IFIT3: variants seen among roughly 807,000 people sequenced by gnomAD.
The protein encoded by IFIT3 is interferon-induced protein with tetratricopeptide repeats 3.
In IFIT3, 2 loss-of-function variants were observed where a neutral mutation model predicts 2.4. The observed-to-expected ratio is 0.82, with a 90% CI of 0.34 to 2.60. The LOEUF (loss-of-function observed/expected upper bound fraction) is 2.60, where lower values mean the gene tolerates loss of function less well. IFIT3 is among the 30% of genes most tolerant of loss of function. IFIT3 has a pLI of 0.11. For missense variants in IFIT3, 481 were observed against 562.4 expected (o/e 0.86, Z 1.46); for synonymous variants, 203 against 212.1 (o/e 0.96, Z 0.37).
In IFIT3 at chr10:89,339,822, C is replaced by CA; in HGVS notation, c.1173dup (p.Ser392IlefsTer3). ...ATGGTTTAGAGGGTTTGTCCATAAG[C>CA]AAAAAATCAACTGACAAGGAAGAGA... On this transcript the variant is annotated frameshift_variant, in exon 2 of 2. Coordinates refer to ENST00000371818, the MANE Select transcript of IFIT3 (RefSeq NM_001549.6). LOFTEE classifies it low-confidence loss of function (END_TRUNC). 6.2e-7 allele frequency: 1 copy of CA among 1,614,074 alleles called. No homozygotes were observed. The highest frequency in any genetic ancestry group is 8.5e-7 in the Non-Finnish European group (1 of 1,180,006).
chr10:89,328,672 T>C (rs1200730356), intron 1 of IFIT3, among the ~76,000 whole-genome samples: 2 of 152,214 alleles, frequency 1.3e-5, no homozygotes, highest in African/African-American at 2.4e-5. Context: ...GGCATTTTTG[T>C]CATTTCTTAT....
At chr10:89,329,880 A>G (rs1167322068) in intron 1 of IFIT3, among the ~76,000 whole-genome samples, 1 of 151,690 alleles carries the variant, frequency 6.6e-6, no homozygotes, top group Non-Finnish European at 1.5e-5. Flanking sequence ...CAGGGAAGGG[A>G]GATAGGGGTG....
intron 1 of IFIT3, among the ~76,000 whole-genome samples, chr10:89,330,161 G>C (rs1351920450): frequency 2.6e-5 from 4 of 152,212 alleles, no homozygotes; most frequent in Non-Finnish European, 5.9e-5. Context: ...GGCTTAGCTT[G>C]GGCTCAGAGG....
chr10:89,334,478 C>CTTTTTTTTTTTTTTT lies in IFIT3; in HGVS notation c.6-4162_6-4148dup, dbSNP rs578154457. Among the ~76,000 whole-genome samples, 85 of 25,346 alleles carry CTTTTTTTTTTTTTTT rather than the reference C, an allele frequency of 3.4e-3. 6 individuals are homozygous for CTTTTTTTTTTTTTTT. The highest frequency in any genetic ancestry group is 4.8e-3 in the Non-Finnish European group (69 of 14,424). 16.6% of individuals were successfully genotyped at this position (25,346 alleles called of 152,430 possible). A position where few individuals can be genotyped will look rare whatever the true frequency, so the allele number is the denominator to read the frequency against. On this transcript the variant is annotated intron_variant, in intron 1 of 1. Transcript: ENST00000371818. Reference sequence around the variant, plus strand: ...TGTTTTTTCTTCTTTTTCTTTTATTCTTTTTTTTTTTTTTTTTTTTTTTTT... The same window carrying CTTTTTTTTTTTTTTT: ...TGTTTTTTCTTCTTTTTCTTTTATTCTTTTTTTTTTTTTTTTTTTTTTTTTTTTTTTTTTTTTTTT...
At chr10:89,334,681 C>T (rs1250623199) in intron 1 of IFIT3, among the ~76,000 whole-genome samples, 5 of 150,278 alleles carry the variant, frequency 3.3e-5, no homozygotes, top group African/African-American at 2.4e-5. Flanking sequence ...TTAGTACAGG[C>T]GGGGTTTCAT....
At chr10:89,336,944 C>T (rs1843751669) in intron 1 of IFIT3, among the ~76,000 whole-genome samples, 1 of 152,246 alleles carries the variant, frequency 6.6e-6, no homozygotes, top group African/African-American at 2.4e-5. Context: ...ACTTAGAGAA[C>T]TCTTGCAATT....
In IFIT3 at chr10:89,339,930, T is replaced by C; in HGVS notation, c.1275T>C (p.His425=). 1 of 1,614,190 alleles carries C rather than the reference T, an allele frequency of 6.2e-7. No homozygotes were observed. Among genetic ancestry groups the C allele is most frequent in the South Asian group, 1.1e-5 (1 of 91,080 alleles). The change falls in exon 2 of 2, where the codon CAT becomes CAC. Residue 425 remains histidine, a synonymous_variant. Coordinates refer to ENST00000371818, the MANE Select transcript of IFIT3 (RefSeq NM_001549.6). ...PNYWYLQGLI[H]KQNGDLLQAA... ...ATTGGTATCTTCAAGGATTAATTCA[T>C]AAGCAGAATGGAGATCTGCTGCAAG... is the stretch of plus-strand genomic sequence containing the variant.
At chr10:89,336,521 A>C (rs1843742929) in intron 1 of IFIT3, among the ~76,000 whole-genome samples, 2 of 152,194 alleles carry the variant, frequency 1.3e-5, no homozygotes, top group Admixed American at 6.5e-5. Context: ...AGATCAGTAC[A>C]CTTGCAGTAG....
intron 1 of IFIT3, chr10:89,338,387 G>A: frequency 2.8e-6 from 1 of 358,344 alleles, no homozygotes; most frequent in South Asian, 4.7e-5. Flanking sequence ...GTCAGAGGGA[G>A]AATTCTCCCT....
intron 1 of IFIT3, among the ~76,000 whole-genome samples, chr10:89,331,684 C>T (rs1843652582): frequency 6.6e-6 from 1 of 151,640 alleles, no homozygotes; most frequent in African/African-American, 2.4e-5. Context: ...CATAGTGAGA[C>T]CCCGTCTGTA....
At chr10:89,334,716 C>A (rs1843708052) in intron 1 of IFIT3, among the ~76,000 whole-genome samples, 1 of 151,422 alleles carries the variant, frequency 6.6e-6, no homozygotes, top group Non-Finnish European at 1.5e-5. Flanking sequence ...TAGTCTCGAA[C>A]TCTTGACCTC....
intron 1 of IFIT3, chr10:89,332,536 C>A: frequency 1.9e-6 from 3 of 1,612,854 alleles, no homozygotes; most frequent in Admixed American, 3.3e-5. Context: ...TGGGTGGAAA[C>A]CTCTTCAGCA....
chr10:89,329,838 G>A (rs1032968924), intron 1 of IFIT3, among the ~76,000 whole-genome samples: 3 of 152,180 alleles, frequency 2.0e-5, no homozygotes, highest in Non-Finnish European at 4.4e-5. Flanking sequence ...TATTTCACCT[G>A]GGTGCAGGTG....
chr10:89,331,041 C>T (rs1296624117), intron 1 of IFIT3, among the ~76,000 whole-genome samples: 2 of 152,150 alleles, frequency 1.3e-5, no homozygotes, highest in African/African-American at 4.8e-5. Context: ...GGGCAGCAGT[C>T]CCAGGAGTAG....
chr10:89,333,090 T>C (rs1469969966), intron 1 of IFIT3, among the ~76,000 whole-genome samples: 1 of 152,244 alleles, frequency 6.6e-6, no homozygotes, highest in Non-Finnish European at 1.5e-5. Context: ...AATTCCAATT[T>C]ATGTTGAGGT....
Position 89,340,362 on chromosome 10 carries a change from T to A in IFIT3, c.*234T>A. ...TCACGAGGTCTGGAGTTTGAGACCATCCTGGCTAACACAGTGAAATCCCGT... is the reference window on the plus strand; with the variant it reads ...TCACGAGGTCTGGAGTTTGAGACCAACCTGGCTAACACAGTGAAATCCCGT... On this transcript the variant is annotated 3_prime_UTR_variant, in exon 2 of 2. Transcript: ENST00000371818. The A allele has an allele frequency of 2.7e-6, 1 of 368,414 alleles. No individual in the cohort carries two copies. The highest frequency in any genetic ancestry group is 5.0e-6 in the Non-Finnish European group (1 of 201,048). 22.8% of individuals were successfully genotyped at this position (368,414 alleles called of 1,614,324 possible). A position where few individuals can be genotyped will look rare whatever the true frequency, so the allele number is the denominator to read the frequency against.
At chr10:89,336,346 C>G (rs751950961) in intron 1 of IFIT3, among the ~76,000 whole-genome samples, 9 of 152,198 alleles carry the variant, frequency 5.9e-5, no homozygotes, top group Non-Finnish European at 1.0e-4. Context: ...AATCAAAGCA[C>G]ACACATAAAG....
rs762482947 is a variant in IFIT3, at chr10:89,339,182, TG to T, written c.529del (p.Ala177GlnfsTer20). The T allele has an allele frequency of 1.1e-5, 17 of 1,614,074 alleles. No homozygotes were observed. The highest frequency in any genetic ancestry group is 1.4e-5 in the Non-Finnish European group (17 of 1,180,010). On this transcript the variant is annotated frameshift_variant, in exon 2 of 2. Coordinates refer to ENST00000371818, the MANE Select transcript of IFIT3 (RefSeq NM_001549.6). LOFTEE classifies it low-confidence loss of function (END_TRUNC). ...AACAACCCAGAATTCTCCTCTGGAC[TG>T]GCAATTGCGATGTACCATCTGGATA... ...KPNNPEFSSG[L>X]AIAMYHLDNH...
rs890456612 is a variant in IFIT3 at position 89,332,362 on chromosome 10, T to G, written c.5+4284T>G. 13 of 769,548 alleles carry G rather than the reference T, an allele frequency of 1.7e-5. No homozygotes were observed. The African/African-American group carries it at 2.1e-4, about 13-fold the overall frequency. 47.7% of individuals were successfully genotyped at this position (769,548 alleles called of 1,614,324 possible). A position where few individuals can be genotyped will look rare whatever the true frequency, so the allele number is the denominator to read the frequency against. ...CTTTTTACAGTGCCTTTTTACAACT[T>G]TCAAACCACAGTTTTCCAAATCTGT... On this transcript the variant is annotated intron_variant, in intron 1 of 1. Coordinates refer to ENST00000371818, the MANE Select transcript of IFIT3 (RefSeq NM_001549.6).
Sources: allele counts gnomAD v4.1 joint callset (sites outside exome capture counted in the v4.1 genomes callset), GRCh38; gene constraint gnomAD v4.1.1; transcripts MANE v1.5; gene names NCBI Gene and HGNC (gene_info 2026-07-23, HGNC 2026-07-21).